The following POLN variants were observed in gnomAD, a reference collection of about 807,000 sequenced individuals.
The protein encoded by POLN is DNA polymerase nu.
A neutral mutation model predicts 113.5 loss-of-function variants in POLN; 108 were observed. The ratio of observed to expected loss-of-function variants is 0.95; its 90% CI spans 0.81 to 1.12. The LOEUF (loss-of-function observed/expected upper bound fraction) is 1.12. POLN is among the 50% of genes most tolerant of loss of function. POLN has a pLI of 0.00. For missense variants in POLN, 1,097 were observed against 1,077.1 expected (o/e 1.02, Z -0.26); for synonymous variants, 386 against 391.5 (o/e 0.99, Z 0.17).
intron 13 of POLN, among the ~76,000 whole-genome samples, chr4:2,165,414 G>A (rs1732705196): frequency 6.6e-6 from 1 of 152,218 alleles, no homozygotes; most frequent in African/African-American, 2.4e-5. Context: ...GCTGTCAGGG[G>A]CTGGTGGGAG....
intron 19 of POLN, among the ~76,000 whole-genome samples, chr4:2,103,949 GC>G (rs2108706545): frequency 6.6e-6 from 1 of 152,296 alleles, no homozygotes; most frequent in South Asian, 2.1e-4. Context: ...CACTAGACCG[GC>G]CCTTCAAGAA....
At chr4:2,091,062 A>T (rs1245515328) in intron 20 of POLN, among the ~76,000 whole-genome samples, 2 of 152,184 alleles carry the variant, frequency 1.3e-5, no homozygotes, top group Admixed American at 1.3e-4. Flanking sequence ...TAGAATGAGA[A>T]ATTCACCAGT....
chr4:2,156,223 T>C (rs1732420494), intron 16 of POLN, among the ~76,000 whole-genome samples: 1 of 152,232 alleles, frequency 6.6e-6, no homozygotes, highest in Admixed American at 6.5e-5. Flanking sequence ...AAGTGACTTA[T>C]TACTATTTTT....
At chr4:2,179,271 T>C in intron 8 of POLN, 37 bp downstream of exon 8, 2 of 1,568,748 alleles carry the variant, frequency 1.3e-6, no homozygotes, top group Non-Finnish European at 1.7e-6. Context: ...AAATAGGATG[T>C]ATTAAGGTTG....
At chr4:2,085,252 ATTTG>A (rs1324982131) in intron 21 of POLN, among the ~76,000 whole-genome samples, 2 of 152,134 alleles carry the variant, frequency 1.3e-5, no homozygotes, top group African/African-American at 4.8e-5. Flanking sequence ...ATTCTTTGAA[ATTTG>A]TTTGGGTTTC....
At chr4:2,153,338 A>G (rs1232048183) in intron 16 of POLN, among the ~76,000 whole-genome samples, 1 of 152,214 alleles carries the variant, frequency 6.6e-6, no homozygotes, top group Non-Finnish European at 1.5e-5. Context: ...GGCTACCAAG[A>G]GCACTGGGAT....
At chr4:2,151,889 T>C (rs1156916619) in intron 16 of POLN, among the ~76,000 whole-genome samples, 2 of 152,208 alleles carry the variant, frequency 1.3e-5, no homozygotes, top group African/African-American at 4.8e-5. Flanking sequence ...TAGCAATGAC[T>C]CTTTTTTCCT....
intron 20 of POLN, among the ~76,000 whole-genome samples, chr4:2,091,403 G>A (rs1468963940): frequency 1.3e-5 from 2 of 152,132 alleles, no homozygotes; most frequent in African/African-American, 4.8e-5. Flanking sequence ...GCAGGGACGA[G>A]AGACTGAGAT....
At chr4:2,111,603 A>G (rs1731195592) in intron 19 of POLN, among the ~76,000 whole-genome samples, 1 of 152,160 alleles carries the variant, frequency 6.6e-6, no homozygotes, top group Admixed American at 6.5e-5. Flanking sequence ...ATAACAGACA[A>G]ACAGAGAGCC....
intron 21 of POLN, among the ~76,000 whole-genome samples, chr4:2,083,838 C>T (rs140604570): frequency 1.1e-3 from 161 of 152,384 alleles, no homozygotes; most frequent in African/African-American, 3.6e-3. Context: ...GGAGGAAGAG[C>T]GGTGGAGGCA....
intron 4 of POLN, among the ~76,000 whole-genome samples, chr4:2,209,217 C>T (rs1400422812): frequency 6.6e-6 from 1 of 152,024 alleles, no homozygotes; most frequent in African/African-American, 2.4e-5. Flanking sequence ...TGCAGTGGCT[C>T]ACACCTGTAA....
intron 16 of POLN, among the ~76,000 whole-genome samples, chr4:2,132,661 G>A (rs188601216): frequency 6.4e-4 from 97 of 152,300 alleles, no homozygotes; most frequent in African/African-American, 2.2e-3. Flanking sequence ...TTCCTGTCAG[G>A]GACCATGCAG....
At chr4:2,150,409 T>C (rs917860198) in intron 16 of POLN, among the ~76,000 whole-genome samples, 2 of 152,130 alleles carry the variant, frequency 1.3e-5, no homozygotes, top group African/African-American at 2.4e-5. Context: ...TCTCCCCAGA[T>C]TGAGTTCTCG....
intron 7 of POLN, among the ~76,000 whole-genome samples, chr4:2,188,938 C>A (rs1343578692): frequency 1.3e-5 from 2 of 152,082 alleles, no homozygotes; most frequent in Non-Finnish European, 2.9e-5. Flanking sequence ...TGTTTCTATT[C>A]TTTTCTTTGT....
At chr4:2,188,860 A>G (rs1253105453) in intron 7 of POLN, among the ~76,000 whole-genome samples, 1 of 152,206 alleles carries the variant, frequency 6.6e-6, no homozygotes, top group Non-Finnish European at 1.5e-5. Context: ...CGAGGCAACA[A>G]AAAGTCAAAA....
chr4:2,148,548 T>G (rs933231245), intron 16 of POLN, among the ~76,000 whole-genome samples: 4 of 151,934 alleles, frequency 2.6e-5, no homozygotes, highest in Non-Finnish European at 5.9e-5. Flanking sequence ...GCGCCTGTAA[T>G]CCCAGCTACT....
intron 12 of POLN, 57 bp from the exon 13 acceptor site, chr4:2,170,831 C>T (rs1430641576): frequency 6.8e-7 from 1 of 1,474,244 alleles, no homozygotes; most frequent in Non-Finnish European, 9.5e-7. Flanking sequence ...AGAAACAGAA[C>T]ATTACTATAG....
At chr4:2,159,548 A>G (rs953038951) in intron 13 of POLN, among the ~76,000 whole-genome samples, 5 of 152,248 alleles carry the variant, frequency 3.3e-5, no homozygotes, top group Non-Finnish European at 7.3e-5. Context: ...TCAGGGAGGG[A>G]GTAATGGATT....
At chr4:2,205,100 C>T (rs1733811569) in intron 5 of POLN, among the ~76,000 whole-genome samples, 1 of 151,980 alleles carries the variant, frequency 6.6e-6, no homozygotes, top group Non-Finnish European at 1.5e-5. Context: ...AGCAATCAGA[C>T]AAAAGAAAGA....
Sources: gnomAD v4.1 joint callset for allele counts (sites outside exome capture counted in the v4.1 genomes callset) on GRCh38, gnomAD v4.1.1 for gene constraint, MANE v1.5 for transcripts, NCBI Gene and HGNC (gene_info 2026-07-23, HGNC 2026-07-21) for gene names.